Variants in CCDC88C observed in about 807,000 individuals in gnomAD.
The protein encoded by CCDC88C is protein Daple.
A neutral mutation model predicts 198.8 loss-of-function variants in CCDC88C; 131 were observed. That is an observed-to-expected ratio of 0.66 (90% confidence interval 0.57 to 0.76). The LOEUF is 0.76. Ranked by LOEUF, CCDC88C falls within the 30% of genes least tolerant of loss-of-function variation. The pLI, the probability that CCDC88C is intolerant of heterozygous loss-of-function variation, is 0.00. For missense variants in CCDC88C, 2,553 were observed against 2,631.6 expected, an observed-to-expected ratio of 0.97 and a Z score of 0.65; for synonymous variants, 1,166 against 1,114.7, an observed-to-expected ratio of 1.05 and a Z score of -0.92.
chr14:91,396,039 C>G (rs929968183), intron 3 of CCDC88C, among the ~76,000 whole-genome samples: 3 of 152,200 alleles, frequency 2.0e-5, no homozygotes, highest in South Asian at 2.1e-4. Context: ...CCTCTCATTA[C>G]TAGAAAAATA....
At chr14:91,372,200 G>C (rs1894837572) in intron 3 of CCDC88C, among the ~76,000 whole-genome samples, 1 of 152,008 alleles carries the variant, frequency 6.6e-6, no homozygotes, top group African/African-American at 2.4e-5. Context: ...TGCCAGTTGG[G>C]AGGTGGAGGG....
chr14:91,301,204 A>G (rs1210357632), intron 20 of CCDC88C, among the ~76,000 whole-genome samples: 1 of 152,194 alleles, frequency 6.6e-6, no homozygotes, highest in Admixed American at 6.5e-5. Context: ...TTTAGTGTCA[A>G]ATGAGAAGAA....
chr14:91,359,383 C>T (rs895135794), intron 4 of CCDC88C, among the ~76,000 whole-genome samples: 3 of 152,002 alleles, frequency 2.0e-5, no homozygotes, highest in African/African-American at 4.8e-5. Context: ...ATGATCCGGC[C>T]GCCTGGGCCT....
intron 27 of CCDC88C, 47 bp downstream of exon 27, chr14:91,281,410 C>A (rs1239594803): frequency 1.9e-6 from 3 of 1,613,106 alleles, no homozygotes; most frequent in Middle Eastern, 1.6e-4. Flanking sequence ...TGGATAAAAA[C>A]CAGTCTGGAA....
Position 91,334,964 on chromosome 14 carries a change from C to T in CCDC88C, c.1050+3041G>A, listed in dbSNP as rs117800256. Among the ~76,000 whole-genome samples, 915 of 152,312 alleles carry T rather than the reference C, an allele frequency of 6.0e-3. 3 individuals carry two copies. Among genetic ancestry groups the T allele is most frequent in the Middle Eastern group, 0.01 (3 of 294 alleles). On this transcript the variant is annotated intron_variant, in intron 10 of 29. Transcript: ENST00000389857. ...GGCCCGCCCCAAGAGCCCTGTGCTC[C>T]CATACTCGGCTTCTGCAGGTATCTG...
At chr14:91,348,002 C>T (rs1338894511) in intron 4 of CCDC88C, among the ~76,000 whole-genome samples, 1 of 152,080 alleles carries the variant, frequency 6.6e-6, no homozygotes, top group African/African-American at 2.4e-5. Flanking sequence ...TACTATGCAG[C>T]CATAAAAAAT....
In CCDC88C at chr14:91,272,702, C is replaced by A. The variant is rs370102360; in HGVS notation, c.6010G>T (p.Val2004Phe). The A allele has an allele frequency of 6.2e-7, 1 of 1,611,380 alleles. No homozygotes were observed. The highest frequency in any genetic ancestry group is 2.2e-5 in the East Asian group (1 of 44,866). The change falls in exon 30 of 30, where the codon GTC becomes TTC. Residue 2004 changes from valine (V) to phenylalanine (F), a missense_variant. Coordinates refer to ENST00000389857, the MANE Select transcript of CCDC88C (RefSeq NM_001080414.4). ...RALEDCSRGS[V>F]SKSSPASPEP... ...GGGGAGGCCGGACTGCTCTTTGAGA[C>A]GCTCCCTCGACTGCAGTCCTCCAGG...
intron 23 of CCDC88C, among the ~76,000 whole-genome samples, 156 bp from the exon 24 acceptor site, chr14:91,291,240 G>C (rs1275884325): frequency 1.3e-5 from 2 of 152,176 alleles, no homozygotes; most frequent in Non-Finnish European, 2.9e-5. Context: ...ACTGAGTTTG[G>C]AATACGGGAA....
intron 3 of CCDC88C, among the ~76,000 whole-genome samples, chr14:91,387,546 G>C (rs1020183495): frequency 8.5e-5 from 13 of 152,186 alleles, no homozygotes; most frequent in African/African-American, 7.2e-5. Flanking sequence ...AAGCCAGATG[G>C]AAACTGACAA....
At chr14:91,359,799 C>T (rs545055678) in intron 3 of CCDC88C, 88 bp from the exon 4 acceptor site, 12 of 1,185,254 alleles carry the variant, frequency 1.0e-5, no homozygotes, top group African/African-American at 1.5e-5. Flanking sequence ...ATGAAGCCCC[C>T]GGACGGGTGC....
intron 4 of CCDC88C, among the ~76,000 whole-genome samples, chr14:91,351,915 C>T (rs1408948482): frequency 6.6e-6 from 1 of 152,136 alleles, no homozygotes; most frequent in Non-Finnish European, 1.5e-5. Flanking sequence ...TGACCTCCTA[C>T]CCCACCTGCC....
chr14:91,393,455 C>T (rs145950769), intron 3 of CCDC88C, among the ~76,000 whole-genome samples: 1 of 152,176 alleles, frequency 6.6e-6, no homozygotes, highest in African/African-American at 2.4e-5. Flanking sequence ...GACAGAAGCG[C>T]CCTCCCAGAC....
intron 3 of CCDC88C, among the ~76,000 whole-genome samples, chr14:91,391,718 G>A (rs1885516754): frequency 6.6e-6 from 1 of 152,172 alleles, no homozygotes; most frequent in Non-Finnish European, 1.5e-5. Flanking sequence ...GGCTGAGGCT[G>A]CAGTGAGCTG....
At chr14:91,304,010 G>T (rs769021422) in intron 19 of CCDC88C, 32 bp from the exon 20 acceptor site, 1 of 1,585,684 alleles carries the variant, frequency 6.3e-7, no homozygotes, top group South Asian at 1.1e-5. Context: ...GCGTGGCGCA[G>T]GCCCCACAGT....
chr14:91,318,917 C>CA lies in CCDC88C; in HGVS notation c.1527+2202dup, dbSNP rs61183857. ...CTGGACAACAGAGCGAGACTCCGTCCAAAAAAAAAAAAAAAAAAAAAGAAC... is the reference window on the plus strand; with the variant it reads ...CTGGACAACAGAGCGAGACTCCGTCCAAAAAAAAAAAAAAAAAAAAAAGAAC... On this transcript the variant is annotated intron_variant, in intron 13 of 29. Transcript: ENST00000389857. Among the ~76,000 whole-genome samples, 586 of 105,198 alleles carry CA rather than the reference C, an allele frequency of 5.6e-3. 12 individuals carry two copies. Among genetic ancestry groups the CA allele is most frequent in the African/African-American group, 0.011 (319 of 27,918 alleles). 69.0% of individuals were successfully genotyped at this position (105,198 alleles called of 152,430 possible). A position where few individuals can be genotyped will look rare whatever the true frequency, so the allele number is the denominator to read the frequency against.
intron 26 of CCDC88C, 112 bp downstream of exon 26, chr14:91,283,217 A>T: frequency 9.2e-7 from 1 of 1,087,690 alleles, no homozygotes; most frequent in Non-Finnish European, 1.3e-6. Flanking sequence ...CCCTCTACTC[A>T]CCACCTCTCA....
chr14:91,283,099 G>A (rs1369389375), intron 26 of CCDC88C, among the ~76,000 whole-genome samples: 2 of 152,118 alleles, frequency 1.3e-5, no homozygotes, highest in Admixed American at 6.5e-5. Flanking sequence ...GGTGGCAGTG[G>A]GTTCTGAGGC....
At chr14:91,349,994 T>C (rs1390484062) in intron 4 of CCDC88C, among the ~76,000 whole-genome samples, 4 of 152,172 alleles carry the variant, frequency 2.6e-5, no homozygotes, top group Non-Finnish European at 5.9e-5. Context: ...AGGGTGGAAC[T>C]AGGCCTCAGA....
intron 10 of CCDC88C, among the ~76,000 whole-genome samples, chr14:91,327,009 G>A (rs142090012): frequency 4.9e-4 from 74 of 152,334 alleles, no homozygotes; most frequent in African/African-American, 1.7e-3. Context: ...AGTCCAGGGC[G>A]CACATCTCCA....
Sources: gnomAD v4.1 joint callset for allele counts (sites outside exome capture counted in the v4.1 genomes callset) on GRCh38, gnomAD v4.1.1 for gene constraint, MANE v1.5 for transcripts, NCBI Gene and HGNC (gene_info 2026-07-23, HGNC 2026-07-21) for gene names.